The following PHC1 variants were observed in gnomAD, a reference collection of about 807,000 sequenced individuals.
PHC1 encodes polyhomeotic-like protein 1.
PHC1 carries 12 observed loss-of-function variants against 104.3 expected under a neutral mutation model. That is an observed-to-expected ratio of 0.12 (90% confidence interval 0.07 to 0.19). PHC1 has a LOEUF of 0.19. PHC1 is among the 10% of genes least tolerant of loss of function. The pLI is 1.00. For missense variants in PHC1, 671 were observed against 1,200.0 expected, an observed-to-expected ratio of 0.56 and a Z score of 6.51; for synonymous variants, 302 against 455.8, an observed-to-expected ratio of 0.66 and a Z score of 4.30.
At chr12:8,921,432 A>C (rs1160850302) in intron 4 of PHC1, among the ~76,000 whole-genome samples, 169 bp from the exon 5 acceptor site, 1 of 152,164 alleles carries the variant, frequency 6.6e-6, no homozygotes, top group African/African-American at 2.4e-5. Context: ...GTAATACCCT[A>C]AAGTAGCCAG....
chr12:8,927,583 T>C (rs941716267), intron 6 of PHC1, among the ~76,000 whole-genome samples: 13 of 152,116 alleles, frequency 8.5e-5, no homozygotes, highest in African/African-American at 3.1e-4. Flanking sequence ...GCAATGCTCA[T>C]ATAATGGTTT....
rs201150017 is a variant in PHC1 at position 8,919,860 on chromosome 12, C to A, written c.219C>A (p.Val73=). The A allele has an allele frequency of 1.8e-4, 282 of 1,596,622 alleles. No individual in the cohort carries two copies. The highest frequency in any genetic ancestry group is 2.3e-4 in the Non-Finnish European group (268 of 1,170,226). The change falls in exon 3 of 15, where the codon GTC becomes GTA. Residue 73 remains valine (V), a synonymous_variant. Coordinates refer to ENST00000544916, the MANE Select transcript of PHC1 (RefSeq NM_004426.3). This position sits in a 1 kb window ranked among gnomAD's most constrained non-coding sequence, Gnocchi z 4.9. ...SNAQLHSLAA[V]QQATIAASRQ... ...CCCAGCTGCATAGCCTGGCTGCCGT[C>A]CAGCAGGTGAGAGGTCAGCAGCCAG...
At chr12:8,921,122 TA>T (rs1256996561) in intron 4 of PHC1, 57 bp downstream of exon 4, 4 of 1,298,596 alleles carry the variant, frequency 3.1e-6, no homozygotes, top group Non-Finnish European at 4.3e-6. Context: ...GTCTCTGGGT[TA>T]AATTACTTTG....
intron 7 of PHC1, 101 bp from the exon 8 acceptor site, chr12:8,932,462 A>G: frequency 5.4e-6 from 7 of 1,285,584 alleles, no homozygotes; most frequent in Non-Finnish European, 7.6e-6. Context: ...TAATTCCAAA[A>G]CTAGGTTATA....
intron 4 of PHC1, 55 bp downstream of exon 4, chr12:8,921,120 G>A: frequency 1.5e-6 from 2 of 1,323,776 alleles, no homozygotes; most frequent in Non-Finnish European, 2.1e-6. Context: ...TTGTCTCTGG[G>A]TTAAATTACT....
chr12:8,921,916 C>T (rs1945378077), intron 5 of PHC1, among the ~76,000 whole-genome samples, 166 bp downstream of exon 5: 3 of 152,178 alleles, frequency 2.0e-5, no homozygotes, highest in East Asian at 1.9e-4. Flanking sequence ...CAGGTTCCAG[C>T]GATTCTCCTG....
chr12:8,936,744 G>GT, intron 11 of PHC1, 112 bp from the exon 12 acceptor site: 1 of 703,174 alleles, frequency 1.4e-6, no homozygotes. Flanking sequence ...GGTTGTGTAG[G>GT]TTTTTGGGGG....
intron 7 of PHC1, among the ~76,000 whole-genome samples, chr12:8,931,779 T>A (rs1805776): frequency 3.9e-5 from 6 of 152,060 alleles, no homozygotes; most frequent in African/African-American, 7.2e-5. Flanking sequence ...TTTGCCTTTT[T>A]TTGTTTCTAG....
chr12:8,927,913 C>CTTTCTT (rs1555128000), intron 6 of PHC1, among the ~76,000 whole-genome samples: 2 of 35,772 alleles, frequency 5.6e-5, no homozygotes, highest in South Asian at 8.4e-4. Flanking sequence ...TTCTTTCTTT[C>CTTTCTT]TTTTTTTTTT....
intron 6 of PHC1, among the ~76,000 whole-genome samples, chr12:8,923,222 A>G (rs976772623): frequency 1.3e-5 from 2 of 152,182 alleles, no homozygotes; most frequent in African/African-American, 2.4e-5. Flanking sequence ...GAGTTACTCT[A>G]GTTCTCAACT....
chr12:8,933,804 G>T, intron 8 of PHC1, 61 bp from the exon 9 acceptor site: 1 of 1,402,130 alleles, frequency 7.1e-7, no homozygotes, highest in Non-Finnish European at 1.0e-6. Context: ...GGTAATAATT[G>T]TGGTTCCTTA....
chr12:8,937,952 A>G lies in PHC1; in HGVS notation c.2752A>G (p.Thr918Ala), dbSNP rs955398561. 2.5e-6 allele frequency: 4 copies of G among 1,602,646 alleles called. No individual in the cohort carries two copies. In the African/African-American group the frequency reaches 4.0e-5, roughly 16 times the overall value. Reference protein sequence around the residue: ...HGERDLGNPNTAPPTPELHGI... With the variant: ...HGERDLGNPNAAPPTPELHGI... ...AGAACGTGACCTGGGGAATCCCAAT[A>G]CAGCTCCACCTACACCGGAATTACA... Residue 918 changes from threonine to alanine, a missense_variant, in exon 14 of 15, where the codon ACA becomes GCA. By Grantham distance (58) the Thr-to-Ala change is moderately conservative. Coordinates refer to ENST00000544916, the MANE Select transcript of PHC1 (RefSeq NM_004426.3).
intron 14 of PHC1, 129 bp from the exon 15 acceptor site, chr12:8,939,176 C>T (rs1592217155): frequency 1.7e-6 from 2 of 1,144,190 alleles, no homozygotes; most frequent in East Asian, 4.9e-5. Flanking sequence ...TTAAAGCTTG[C>T]CATCTGACTT....
intron 4 of PHC1, 31 bp downstream of exon 4, chr12:8,921,096 C>G: frequency 6.6e-7 from 1 of 1,518,330 alleles, no homozygotes; most frequent in East Asian, 2.3e-5. Context: ...TGAGAGGCTT[C>G]TCTACCTGGG....
chr12:8,931,976 G>C (rs1357658388), intron 7 of PHC1, among the ~76,000 whole-genome samples: 1 of 152,186 alleles, frequency 6.6e-6, no homozygotes, highest in Non-Finnish European at 1.5e-5. Flanking sequence ...GTTTACAGTG[G>C]AGGAAACTGA....
chr12:8,927,853 TTTTCTTTCTTTCTTTC>T lies in PHC1; in HGVS notation c.613-2534_613-2519del, dbSNP rs71045227. Among the ~76,000 whole-genome samples, 1,087 of 110,870 alleles carry T rather than the reference TTTTCTTTCTTTCTTTC, an allele frequency of 9.8e-3. 10 individuals carry two copies. The highest frequency in any genetic ancestry group is 0.015 in the South Asian group (48 of 3,200). 72.7% of individuals were successfully genotyped at this position (110,870 alleles called of 152,430 possible). On this transcript the variant is annotated intron_variant, in intron 6 of 14. Transcript: ENST00000544916. ...ATTATTTTAACCTGTACTGTACTAGTTTTCTTTCTTTCTTTCTTTCTTTCTTTCTTTCTTTCTTTCT... is the reference window on the plus strand; with the variant it reads ...ATTATTTTAACCTGTACTGTACTAGTTTTCTTTCTTTCTTTCTTTCTTTCT...
At chr12:8,932,498 A>G in intron 7 of PHC1, 65 bp from the exon 8 acceptor site, 1 of 1,538,666 alleles carries the variant, frequency 6.5e-7, no homozygotes, top group East Asian at 2.3e-5. Context: ...TTTACTTTTA[A>G]TTTAGAATGA....
Position 8,937,096 on chromosome 12 carries a change from C to T in PHC1, c.2478-80C>T. 5.3e-6 allele frequency: 8 copies of T among 1,504,858 alleles called. No homozygotes were observed. The South Asian group carries it at 9.4e-5, about 18-fold the overall frequency. 93.2% of individuals were successfully genotyped at this position (1,504,858 alleles called of 1,614,324 possible). A position where few individuals can be genotyped will look rare whatever the true frequency, so the allele number is the denominator to read the frequency against. The stretch of plus-strand genomic sequence containing the variant: ...GCTTTTATTCCCTTCCCCAAATCAG[C>T]TCATAAGCAGAAATTCACATTTAGA... On this transcript the variant is annotated intron_variant, in intron 12 of 14. Transcript: ENST00000544916.
intron 1 of PHC1, chr12:8,915,339 T>C (rs1945170835): frequency 6.6e-6 from 1 of 152,280 alleles, no homozygotes; most frequent in Non-Finnish European, 1.5e-5. Flanking sequence ...CTTGGGCGTC[T>C]ACTCCCTGTT....
Sources: gnomAD v4.1 joint callset for allele counts (sites outside exome capture counted in the v4.1 genomes callset) on GRCh38, gnomAD v4.1.1 for gene constraint, Gnocchi (gnomAD v3.1) non-coding constraint, MANE v1.5 for transcripts, NCBI Gene and HGNC (gene_info 2026-07-23, HGNC 2026-07-21) for gene names.